The following STXBP5L variants were observed in gnomAD, a reference collection of about 807,000 sequenced individuals.
The protein encoded by STXBP5L is syntaxin-binding protein 5-like.
In STXBP5L, 65 loss-of-function variants were observed where a neutral mutation model predicts 144.5. That is an observed-to-expected ratio of 0.45 (90% CI 0.37 to 0.55). The LOEUF is 0.55. STXBP5L is among the 20% of genes least tolerant of loss of function. STXBP5L has a pLI of 0.00. For synonymous variants in STXBP5L, 505 were observed against 469.6 expected (o/e 1.08, Z -0.97); for missense variants, 1,298 against 1,405.5 (o/e 0.92, Z 1.22).
intron 5 of STXBP5L, among the ~76,000 whole-genome samples, chr3:121,103,194 G>A (rs1334273622): frequency 6.6e-6 from 1 of 150,984 alleles, no homozygotes; most frequent in Non-Finnish European, 1.5e-5. Context: ...CCCATTACTG[G>A]GTATATATCC....
At chr3:121,085,701 A>G (rs946619628) in intron 5 of STXBP5L, among the ~76,000 whole-genome samples, 2 of 152,254 alleles carry the variant, frequency 1.3e-5, no homozygotes, top group African/African-American at 4.8e-5. Flanking sequence ...AAAACATTCC[A>G]TGCTTGTGGA....
chr3:121,068,352 A>G (rs1004298890), intron 5 of STXBP5L, among the ~76,000 whole-genome samples: 5 of 152,194 alleles, frequency 3.3e-5, no homozygotes, highest in African/African-American at 1.2e-4. Flanking sequence ...AATATAATTT[A>G]TTGATATAGC....
At chr3:120,987,784 G>A (rs1026046450) in intron 3 of STXBP5L, among the ~76,000 whole-genome samples, 1 of 151,548 alleles carries the variant, frequency 6.6e-6, no homozygotes, top group African/African-American at 2.4e-5. Flanking sequence ...GTCTTAATTT[G>A]ATTTTGTTAT....
At chr3:121,086,928 T>G (rs566742466) in intron 5 of STXBP5L, among the ~76,000 whole-genome samples, 1 of 152,208 alleles carries the variant, frequency 6.6e-6, no homozygotes, top group East Asian at 1.9e-4. Flanking sequence ...CTTATGCCCA[T>G]TGTTAAGTGA....
intron 3 of STXBP5L, among the ~76,000 whole-genome samples, chr3:121,023,128 C>T (rs909123554): frequency 2.2e-4 from 34 of 151,472 alleles, no homozygotes; most frequent in African/African-American, 7.8e-4. Context: ...AGAATGAAAT[C>T]AAGCTCAATT....
chr3:121,336,535 C>A (rs1246833520), intron 20 of STXBP5L, among the ~76,000 whole-genome samples: 2 of 151,090 alleles, frequency 1.3e-5, no homozygotes, highest in Admixed American at 6.6e-5. Flanking sequence ...AACAAACAAA[C>A]AAAAAAATCC....
intron 10 of STXBP5L, 92 bp from the exon 11 acceptor site, chr3:121,222,911 T>G: frequency 7.1e-7 from 1 of 1,401,822 alleles, no homozygotes; most frequent in Non-Finnish European, 9.5e-7. Context: ...TTATATGGTA[T>G]GCAACAAAAC....
chr3:120,943,857 CTTATATAGT>C lies in STXBP5L; in HGVS notation c.190-11078_190-11070del, dbSNP rs1019004429. On this transcript the variant is annotated intron_variant, in intron 2 of 26. Transcript: ENST00000471454. ...TTTTTTTAAACTGGATCATTAGTATCTTATATAGTTTATTTTTCTCTCTGTCTCGCTTTC... is the reference window on the plus strand; with the variant it reads ...TTTTTTTAAACTGGATCATTAGTATCTTATTTTTCTCTCTGTCTCGCTTTC... 4.7e-5 allele frequency among the ~76,000 whole-genome samples: 7 copies of C among 149,560 alleles called. No homozygotes were observed. The East Asian group carries it at 1.4e-3, about 29-fold the overall frequency.
chr3:121,003,766 C>G (rs1018556145), intron 3 of STXBP5L, among the ~76,000 whole-genome samples: 1 of 152,160 alleles, frequency 6.6e-6, no homozygotes, highest in African/African-American at 2.4e-5. Flanking sequence ...CAGCTTTCTA[C>G]ATATGGCTAG....
At chr3:121,181,854 T>C (rs1371934396) in intron 9 of STXBP5L, among the ~76,000 whole-genome samples, 2 of 151,132 alleles carry the variant, frequency 1.3e-5, no homozygotes, top group Non-Finnish European at 2.9e-5. Context: ...GGTAAAGGGG[T>C]GGAAAAACAT....
intron 3 of STXBP5L, among the ~76,000 whole-genome samples, chr3:121,008,235 C>T (rs886653979): frequency 3.3e-5 from 5 of 151,894 alleles, no homozygotes; most frequent in Non-Finnish European, 7.4e-5. Context: ...CAACTCTAGC[C>T]CCTCATAATA....
intron 3 of STXBP5L, among the ~76,000 whole-genome samples, chr3:120,990,853 G>A (rs575618684): frequency 6.0e-4 from 91 of 152,254 alleles, no homozygotes; most frequent in African/African-American, 2.0e-3. Flanking sequence ...AGACTTAAAT[G>A]TTAGACCTAA....
chr3:121,317,828 A>G (rs2043834837), intron 19 of STXBP5L, among the ~76,000 whole-genome samples: 1 of 152,106 alleles, frequency 6.6e-6, no homozygotes, highest in South Asian at 2.1e-4. Context: ...ATTATAAGGA[A>G]TTTGATACTA....
At chr3:121,219,683 C>T (rs2048915080) in intron 10 of STXBP5L, among the ~76,000 whole-genome samples, 2 of 152,094 alleles carry the variant, frequency 1.3e-5, no homozygotes. Context: ...TTCTGCTAAT[C>T]TTTTAATCTG....
intron 19 of STXBP5L, among the ~76,000 whole-genome samples, chr3:121,304,031 A>G (rs2043243486): frequency 6.6e-6 from 1 of 152,056 alleles, no homozygotes; most frequent in African/African-American, 2.4e-5. Context: ...AGTATATAAA[A>G]AAAAAATACG....
At chr3:121,076,380 G>C (rs2042018817) in intron 5 of STXBP5L, among the ~76,000 whole-genome samples, 1 of 152,092 alleles carries the variant, frequency 6.6e-6, no homozygotes, top group Admixed American at 6.5e-5. Context: ...TCTTCAGGTG[G>C]GGCCTGTAAG....
At chr3:120,956,790 C>T (rs1938082695) in intron 3 of STXBP5L, among the ~76,000 whole-genome samples, 1 of 151,766 alleles carries the variant, frequency 6.6e-6, no homozygotes, top group Non-Finnish European at 1.5e-5. Context: ...ACATTTTCAC[C>T]AATAGTAATT....
intron 3 of STXBP5L, among the ~76,000 whole-genome samples, chr3:120,956,125 T>C (rs1304227207): frequency 1.3e-5 from 2 of 151,964 alleles, no homozygotes; most frequent in Non-Finnish European, 2.9e-5. Flanking sequence ...TGTGTGAACC[T>C]AAGTTTTTGT....
intron 20 of STXBP5L, among the ~76,000 whole-genome samples, chr3:121,321,901 A>T (rs1284071159): frequency 6.6e-6 from 1 of 152,170 alleles, no homozygotes; most frequent in Non-Finnish European, 1.5e-5. Context: ...GGTTTGTTAC[A>T]TGGGTATATT....
Sources: gnomAD v4.1 joint callset for allele counts (sites outside exome capture counted in the v4.1 genomes callset) on GRCh38, gnomAD v4.1.1 for gene constraint, MANE v1.5 for transcripts, NCBI Gene and HGNC (gene_info 2026-07-23, HGNC 2026-07-21) for gene names.